The following CHD2 variants were observed in gnomAD, a reference collection of about 807,000 sequenced individuals.
CHD2 encodes ATP-dependent chromatin remodeler CHD2.
A neutral mutation model predicts 243.9 loss-of-function variants in CHD2; 28 were observed. The ratio of observed to expected loss-of-function variants is 0.11; its 90% confidence interval spans 0.09 to 0.16. CHD2 has a LOEUF of 0.16. Among genes scored for constraint, CHD2 ranks in the 10% least tolerant of loss-of-function variants. The probability of loss-of-function intolerance (pLI) is 1.00; values close to 1 mark genes in which losing one functional copy is unlikely to be tolerated. For synonymous variants in CHD2, 775 were observed against 779.0 expected, an observed-to-expected ratio of 0.99 and a Z score of 0.09; for missense variants, 1,386 against 2,209.8, an observed-to-expected ratio of 0.63 and a Z score of 7.47.
rs748709803 is a variant in CHD2, at chr15:92,937,537, C to G, written c.463C>G (p.Pro155Ala). 3 of 1,609,568 alleles carry G rather than the reference C, an allele frequency of 1.9e-6. No individual in the cohort carries two copies. In the South Asian group the frequency reaches 3.3e-5, roughly 18 times the overall value. ...LKKQEKWKQEPSEDEQEQGTS... is the reference protein window; with the variant it reads ...LKKQEKWKQEASEDEQEQGTS... ...TCACAGAGAAAAATGGAAACAGGAA[C>G]CCTCAGAAGATGAACAGGAACAAGG... is the stretch of plus-strand genomic sequence containing the variant. The change falls in exon 6 of 39, where the codon CCC becomes GCC. Residue 155 changes from proline to alanine, a missense_variant. Physicochemically the swap from Pro to Ala is conservative, Grantham distance 27. This residue lies in a region of CHD2 where 90 missense variants were observed against 78.0 expected (regional missense o/e 1.15). Coordinates refer to ENST00000394196, the MANE Select transcript of CHD2 (RefSeq NM_001271.4).
chr15:92,928,505 GTCTAAAATGAA>G (rs2053106772), intron 4 of CHD2, among the ~76,000 whole-genome samples: 1 of 151,706 alleles, frequency 6.6e-6, no homozygotes, highest in South Asian at 2.1e-4. Flanking sequence ...TCTTAAATGA[GTCTAAAATGAA>G]TACATCAGTA....
At chr15:92,938,258 A>C (rs1311420239) in intron 6 of CHD2, among the ~76,000 whole-genome samples, 1 of 152,254 alleles carries the variant, frequency 6.6e-6, no homozygotes, top group Non-Finnish European at 1.5e-5. Flanking sequence ...TTAAGGATAG[A>C]GAGCACTAAA....
chr15:92,997,651 A>T lies in CHD2; in HGVS notation c.3885+248A>T. On this transcript the variant is annotated intron_variant, in intron 30 of 38. Transcript: ENST00000394196. This position sits in a 1 kb window ranked among gnomAD's most constrained non-coding sequence, Gnocchi z 4.1. ...AATCTTAAAATTCTGGTATTTAATT[A>T]TAGGTCAGATTTCATTACAATAAAT... 3.2e-6 allele frequency: 1 copy of T among 311,556 alleles called. No homozygotes were observed. The highest frequency in any genetic ancestry group is 6.1e-5 in the East Asian group (1 of 16,346). The allele number at this position is 311,556 out of a possible 1,614,324, so 19.3% of individuals were successfully genotyped here.
chr15:92,988,002 G>A (rs570691792), intron 26 of CHD2, among the ~76,000 whole-genome samples: 1 of 151,850 alleles, frequency 6.6e-6, no homozygotes, highest in South Asian at 2.1e-4. Flanking sequence ...CATTTGTGCT[G>A]TTGTCGCACA....
intron 3 of CHD2, among the ~76,000 whole-genome samples, chr15:92,925,554 A>G (rs928827911): frequency 5.3e-5 from 8 of 152,216 alleles, no homozygotes; most frequent in African/African-American, 2.4e-5. Context: ...CCAGTTAATA[A>G]GGGCTCCATA....
chr15:93,014,322 C>T (rs577508680), intron 36 of CHD2, among the ~76,000 whole-genome samples: 109 of 152,142 alleles, frequency 7.2e-4, no homozygotes, highest in Non-Finnish European at 1.3e-3. Context: ...ACTGGACAGT[C>T]GAGGGTTGTT....
intron 2 of CHD2, among the ~76,000 whole-genome samples, chr15:92,920,672 C>A (rs891701268): frequency 6.6e-6 from 1 of 151,956 alleles, no homozygotes; most frequent in African/African-American, 2.4e-5. Flanking sequence ...AGTGTGTAGA[C>A]CTGTTGTCTG....
At chr15:92,981,657 G>T (rs1183920827) in intron 24 of CHD2, among the ~76,000 whole-genome samples, 200 bp downstream of exon 24, 2 of 152,210 alleles carry the variant, frequency 1.3e-5, no homozygotes, top group Non-Finnish European at 2.9e-5. Flanking sequence ...ACTGAAGTGG[G>T]CTATCCTATG....
At chr15:92,967,730 T>A (rs1046655695) in intron 17 of CHD2, among the ~76,000 whole-genome samples, 4 of 152,040 alleles carry the variant, frequency 2.6e-5, no homozygotes, top group African/African-American at 7.3e-5. Flanking sequence ...GATTTTTCCA[T>A]GTTGGTCAGG....
chr15:93,010,715 C>T (rs118160067), intron 35 of CHD2, among the ~76,000 whole-genome samples: 9,060 of 152,264 alleles, frequency 0.06, 319 homozygotes, highest in South Asian at 0.082. Flanking sequence ...TGAGCCACTG[C>T]GCCCAGCCAT....
chr15:92,972,068 C>A, intron 18 of CHD2, 141 bp downstream of exon 18: 2 of 1,067,012 alleles, frequency 1.9e-6, no homozygotes, highest in African/African-American at 1.6e-5. Flanking sequence ...GAAAAGGTAA[C>A]TAAGAATGAT....
chr15:92,956,758 A>G, intron 16 of CHD2, 109 bp downstream of exon 16: 1 of 1,040,766 alleles, frequency 9.6e-7, no homozygotes, highest in Non-Finnish European at 1.4e-6. Context: ...GTTTGGGGAA[A>G]GCAAAGCGTC....
chr15:93,003,114 C>T (rs1016328409), intron 33 of CHD2, among the ~76,000 whole-genome samples: 1 of 151,898 alleles, frequency 6.6e-6, no homozygotes, highest in African/African-American at 2.4e-5. Context: ...CTCGTCTCTA[C>T]AAAATAAAAA....
At chr15:92,962,124 C>G (rs1463424545) in intron 16 of CHD2, among the ~76,000 whole-genome samples, 1 of 151,890 alleles carries the variant, frequency 6.6e-6, no homozygotes, top group African/African-American at 2.4e-5. Context: ...TTGTGATTTG[C>G]CTGCCTTGGC....
chr15:92,938,045 A>G (rs1186618914), intron 6 of CHD2, among the ~76,000 whole-genome samples: 1 of 152,238 alleles, frequency 6.6e-6, no homozygotes, highest in African/African-American at 2.4e-5. Flanking sequence ...CTAATTTTTG[A>G]TAAGACAGAT....
At chr15:93,003,891 C>T (rs1008746324) in intron 33 of CHD2, among the ~76,000 whole-genome samples, 9 of 120,888 alleles carry the variant, frequency 7.4e-5, no homozygotes, top group Non-Finnish European at 1.5e-4. Flanking sequence ...TTTGGGAGGC[C>T]GAGGTGGACA....
intron 16 of CHD2, among the ~76,000 whole-genome samples, chr15:92,966,069 T>C (rs1286842414): frequency 6.8e-6 from 1 of 147,560 alleles, no homozygotes; most frequent in African/African-American, 2.5e-5. Context: ...TTCTTTTCTT[T>C]TTTTTTTTTT....
chr15:92,979,015 G>C, intron 21 of CHD2, 120 bp from the exon 22 acceptor site: 1 of 1,299,392 alleles, frequency 7.7e-7, no homozygotes, highest in Non-Finnish European at 1.1e-6. Context: ...TCTATGGTTA[G>C]AGAATAAATT....
At chr15:92,942,089 C>T (rs1450112545) in intron 8 of CHD2, 134 bp downstream of exon 8, 1 of 807,224 alleles carries the variant, frequency 1.2e-6, no homozygotes, top group African/African-American at 1.7e-5. Context: ...CTTTCTGACC[C>T]AGTGTTTCAG....
Sources: allele counts gnomAD v4.1 joint callset (sites outside exome capture counted in the v4.1 genomes callset), GRCh38; gene constraint gnomAD v4.1.1; regional missense constraint gnomAD v4.1.1; non-coding constraint Gnocchi (gnomAD v3.1); transcripts MANE v1.5; gene names NCBI Gene and HGNC (gene_info 2026-07-23, HGNC 2026-07-21).